HEXD: variants seen among roughly 807,000 people sequenced by gnomAD.
The protein encoded by HEXD is N-acetyl-beta-galactosaminidase.
A neutral mutation model predicts 54.2 loss-of-function variants in HEXD; 47 were observed. The ratio of observed to expected loss-of-function variants is 0.87; its 90% confidence interval spans 0.69 to 1.11. The LOEUF (loss-of-function observed/expected upper bound fraction) is 1.11, where lower values mean the gene tolerates loss of function less well. HEXD is among the 50% of genes least tolerant of loss of function. HEXD has a pLI of 0.00. For missense variants in HEXD, 576 were observed against 649.2 expected, an observed-to-expected ratio of 0.89 and a Z score of 1.23; for synonymous variants, 293 against 287.6, an observed-to-expected ratio of 1.02 and a Z score of -0.19.
chr17:82,421,770 G>T (rs149369989), intron 2 of HEXD, among the ~76,000 whole-genome samples: 2 of 152,140 alleles, frequency 1.3e-5, no homozygotes, highest in African/African-American at 4.8e-5. Flanking sequence ...AGGTTGCAGT[G>T]AGCCAAGATT....
chr17:82,441,958 G>T, intron 12 of HEXD, 69 bp downstream of exon 12: 1 of 1,490,080 alleles, frequency 6.7e-7, no homozygotes, highest in South Asian at 1.1e-5. Context: ...TTGCTGACAT[G>T]TCCCTCAACT....
intron 3 of HEXD, chr17:82,427,296 CTG>C (rs1260389422): frequency 6.6e-6 from 1 of 152,148 alleles, no homozygotes; most frequent in Non-Finnish European, 1.5e-5. Flanking sequence ...GAGCAAGACT[CTG>C]TCTCAAAATA....
rs1258154375 is a variant in HEXD, at chr17:82,442,069, A to G, written c.1254-108A>G. On this transcript the variant is annotated intron_variant, in intron 12 of 12. Transcript: ENST00000327949. The surrounding 1 kb of genome is among the most constrained non-coding windows in gnomAD (Gnocchi z 6.8). ...CCCGACATGCCGATGAGGTAGGGTC[A>G]GTAGCCCCATTTCACAGGTGAACTG... is the stretch of plus-strand genomic sequence containing the variant. 1.4e-6 allele frequency: 2 copies of G among 1,412,662 alleles called. No individual in the cohort carries two copies. Among genetic ancestry groups the G allele is most frequent in the South Asian group, 1.3e-5 (1 of 79,662 alleles). The allele number at this position is 1,412,662 out of a possible 1,614,324, so 87.5% of individuals were successfully genotyped here.
At chr17:82,438,136 C>G (rs1291137678) in intron 8 of HEXD, among the ~76,000 whole-genome samples, 1 of 152,052 alleles carries the variant, frequency 6.6e-6, no homozygotes, top group African/African-American at 2.4e-5. Flanking sequence ...ACTCGGGAGG[C>G]TGAGGCAAGG....
chr17:82,423,134 C>T (rs887768625), intron 2 of HEXD, among the ~76,000 whole-genome samples: 6 of 152,192 alleles, frequency 3.9e-5, no homozygotes, highest in African/African-American at 1.2e-4. Flanking sequence ...CAGCTGGAGT[C>T]CCTGTTTCCA....
chr17:82,420,855 C>T (rs1343893563), intron 2 of HEXD, among the ~76,000 whole-genome samples: 13 of 152,098 alleles, frequency 8.5e-5, no homozygotes, highest in African/African-American at 1.9e-4. Context: ...TGTGAGCCAC[C>T]GCACCCGGCC....
chr17:82,437,312 G>A lies in HEXD; in HGVS notation c.848G>A (p.Gly283Asp), dbSNP rs1383290149. Residue 283 changes from glycine (G) to aspartate (D), a missense_variant, in exon 8 of 13, where the codon GGC (glycine) becomes GAC (aspartate). Transcript: ENST00000327949. ...CACGTGCAGTGGCTGCAGGTGGCGGGCAGCGGGCCCACGGACTCACTGCAG... is the reference window on the plus strand; with the variant it reads ...CACGTGCAGTGGCTGCAGGTGGCGGACAGCGGGCCCACGGACTCACTGCAG... The part of the protein sequence containing the change: ...RNHVQWLQVA[G>D]SGPTDSLQGI... The A allele has an allele frequency of 1.9e-6, 3 of 1,611,330 alleles. No homozygotes were observed. Among genetic ancestry groups the A allele is most frequent in the Non-Finnish European group, 2.5e-6 (3 of 1,179,290 alleles).
At chr17:82,433,128 A>ATATATTTT (rs71168109) in intron 4 of HEXD, among the ~76,000 whole-genome samples, 9 of 13,070 alleles carry the variant, frequency 6.9e-4, no homozygotes, top group Non-Finnish European at 7.1e-4. Flanking sequence ...ATATATATAT[A>ATATATTTT]TTTTTTTTTT....
At chr17:82,419,705 A>C in intron 1 of HEXD, 44 bp from the exon 2 acceptor site, 5 of 715,300 alleles carry the variant, frequency 7.0e-6, no homozygotes, top group Non-Finnish European at 9.8e-6. Flanking sequence ...AGGCAAAGGG[A>C]GAAGCTTCTG....
At chr17:82,427,647 T>C (rs949265145) in intron 3 of HEXD, among the ~76,000 whole-genome samples, 2 of 152,304 alleles carry the variant, frequency 1.3e-5, no homozygotes, top group Middle Eastern at 3.4e-3. Flanking sequence ...TGTCTTTTGA[T>C]GTGAAAAAGT....
At chr17:82,432,924 G>T (rs1199130420) in intron 4 of HEXD, among the ~76,000 whole-genome samples, 1 of 148,134 alleles carries the variant, frequency 6.8e-6, no homozygotes, top group Non-Finnish European at 1.5e-5. Context: ...AAATTAGCCG[G>T]GCGTGGTGGC....
chr17:82,432,194 C>T (rs532891662), intron 4 of HEXD, among the ~76,000 whole-genome samples: 17 of 152,200 alleles, frequency 1.1e-4, no homozygotes, highest in Non-Finnish European at 1.9e-4. Context: ...CCTAGGTTCG[C>T]GCAGTTCCCA....
At chr17:82,433,128 A>ATATTTTTT (rs71168109) in intron 4 of HEXD, among the ~76,000 whole-genome samples, 1 of 13,070 alleles carries the variant, frequency 7.7e-5, no homozygotes, top group Non-Finnish European at 1.2e-4. Context: ...ATATATATAT[A>ATATTTTTT]TTTTTTTTTT....
chr17:82,427,732 G>T (rs1056343188), intron 3 of HEXD, among the ~76,000 whole-genome samples: 5 of 152,204 alleles, frequency 3.3e-5, no homozygotes, highest in Non-Finnish European at 5.9e-5. Context: ...TCTATAGAAC[G>T]GATTAGCCTA....
chr17:82,442,046 C>A lies in HEXD; in HGVS notation c.1254-131C>A. 2 of 1,332,424 alleles carry A rather than the reference C, an allele frequency of 1.5e-6. No homozygotes were observed. Among genetic ancestry groups the A allele is most frequent in the Non-Finnish European group, 1.0e-6 (1 of 958,532 alleles). 82.5% of individuals were successfully genotyped at this position (1,332,424 alleles called of 1,614,324 possible). A position where few individuals can be genotyped will look rare whatever the true frequency, so the allele number is the denominator to read the frequency against. On this transcript the variant is annotated intron_variant, in intron 12 of 12. Transcript: ENST00000327949. This position sits in a 1 kb window ranked among gnomAD's most constrained non-coding sequence, Gnocchi z 6.8. The stretch of plus-strand genomic sequence containing the variant: ...GCAGCTGTCACCGACTTGTTCCTCC[C>A]GACATGCCGATGAGGTAGGGTCAGT...
intron 9 of HEXD, 133 bp from the exon 10 acceptor site, chr17:82,440,864 G>C (rs572397862): frequency 1.3e-5 from 13 of 969,072 alleles, no homozygotes; most frequent in East Asian, 5.0e-5. Context: ...CGGCACACGC[G>C]GGGCTGGGCC....
chr17:82,437,380 C>G lies in HEXD; in HGVS notation c.899+17C>G, dbSNP rs748433065. 1.3e-6 allele frequency: 2 copies of G among 1,570,494 alleles called. No homozygotes were observed. The highest frequency in any genetic ancestry group is 1.2e-5 in the South Asian group (1 of 86,324). ...CTGGCAGAGGTAAGTCCTGGCCAGT[C>G]TGTCCTCAGAGGGTCCAGGGCAGCT... On this transcript the variant is annotated intron_variant, in intron 8 of 12. Transcript: ENST00000327949.
In HEXD at chr17:82,419,882, A is replaced by T; in HGVS notation, c.83A>T (p.Glu28Val). 1.3e-6 allele frequency: 2 copies of T among 1,593,360 alleles called. No homozygotes were observed. Among genetic ancestry groups the T allele is most frequent in the Non-Finnish European group, 1.7e-6 (2 of 1,161,732 alleles). Reference sequence around the variant, plus strand: ...CCACCAAAGGTCTCGTACCTCTCAGAGGTAAGGACTCCCTTTTACCTCTAG... The same window carrying T: ...CCACCAAAGGTCTCGTACCTCTCAGTGGTAAGGACTCCCTTTTACCTCTAG... ...GAPPKVSYLS[E>V]IFPLFRALGA... is the part of the protein sequence containing the mutation. The change falls in exon 2 of 13, where the codon GAG becomes GTG. Residue 28 changes from glutamate (E) to valine (V), a missense_variant and splice_region_variant. Coordinates refer to ENST00000327949, the MANE Select transcript of HEXD (RefSeq NM_001330542.2).
rs763338872 is a variant in HEXD at position 82,442,458 on chromosome 17, C to T, written c.*74C>T. The T allele has an allele frequency of 3.7e-5, 60 of 1,608,624 alleles. No homozygotes were observed. Among genetic ancestry groups the T allele is most frequent in the South Asian group, 1.5e-4 (14 of 91,018 alleles). On this transcript the variant is annotated 3_prime_UTR_variant, in exon 13 of 13. Coordinates refer to ENST00000327949, the MANE Select transcript of HEXD (RefSeq NM_001330542.2). This position sits in a 1 kb window ranked among gnomAD's most constrained non-coding sequence, Gnocchi z 6.8. ...GCACTGCCAAATGGCCTGGGCAATA[C>T]GGGCCCACGTGGGCGTCGTGCCCTC...
Sources: allele counts gnomAD v4.1 joint callset (sites outside exome capture counted in the v4.1 genomes callset), GRCh38; gene constraint gnomAD v4.1.1; non-coding constraint Gnocchi (gnomAD v3.1); transcripts MANE v1.5; gene names NCBI Gene and HGNC (gene_info 2026-07-23, HGNC 2026-07-21).